CCP110: variants seen among roughly 807,000 people sequenced by gnomAD.
The protein encoded by CCP110 is centriolar coiled-coil protein of 110 kDa.
Under a neutral mutation model 105.5 loss-of-function variants are expected in CCP110, and 43 were observed. That is an observed-to-expected ratio of 0.41 (90% CI 0.32 to 0.53). The LOEUF (loss-of-function observed/expected upper bound fraction) is 0.53, where lower values mean the gene tolerates loss of function less well. Ranked by LOEUF, CCP110 falls within the 20% of genes least tolerant of loss-of-function variation. The pLI is 0.32. For synonymous variants in CCP110, 353 were observed against 392.1 expected (o/e 0.90, Z 1.18); for missense variants, 1,016 against 1,189.1 (o/e 0.85, Z 2.14).
intron 14 of CCP110, among the ~76,000 whole-genome samples, chr16:19,550,530 G>A (rs1011939286): frequency 1.3e-5 from 2 of 152,268 alleles, no homozygotes; most frequent in African/African-American, 2.4e-5. Flanking sequence ...CTGAACACAG[G>A]AACTCACTGT....
At chr16:19,528,324 A>G (rs1471871757) in intron 2 of CCP110, among the ~76,000 whole-genome samples, 1 of 152,248 alleles carries the variant, frequency 6.6e-6, no homozygotes, top group Non-Finnish European at 1.5e-5. Context: ...CCTTTGGGTC[A>G]GCAGTTCCAT....
intron 1 of CCP110, chr16:19,526,670 ATT>A (rs1014036503): frequency 2.7e-5 from 4 of 145,692 alleles, no homozygotes; most frequent in African/African-American, 1.0e-4. Context: ...CCTGATTATA[ATT>A]TTGACTATTT....
chr16:19,547,282 T>C (rs1225242754), intron 12 of CCP110: 2 of 152,124 alleles, frequency 1.3e-5, no homozygotes, highest in African/African-American at 2.4e-5. Context: ...CCGGGTATGA[T>C]GGCGCGTGCC....
rs1164690143 is a variant in CCP110 at position 19,538,302 on chromosome 16, C to CTT, written c.1918+742_1918+743dup. On this transcript the variant is annotated intron_variant, in intron 4 of 14. Coordinates refer to ENST00000381396, the Ensembl canonical transcript of CCP110. ...ATATTAATAATTGGAGGAAACAGTTCTTTTTTTTTTTTTTTTTTTTTTTTT... is the reference window on the plus strand; with the variant it reads ...ATATTAATAATTGGAGGAAACAGTTCTTTTTTTTTTTTTTTTTTTTTTTTTTT... Among the ~76,000 whole-genome samples, 352 of 55,244 alleles carry CTT rather than the reference C, an allele frequency of 6.4e-3. 87 individuals are homozygous for CTT. The highest frequency in any genetic ancestry group is 0.032 in the Middle Eastern group (2 of 62). 36.2% of individuals were successfully genotyped at this position (55,244 alleles called of 152,430 possible).
intron 1 of CCP110, chr16:19,526,228 G>A (rs528568435): frequency 2.0e-5 from 3 of 152,186 alleles, no homozygotes; most frequent in Admixed American, 6.5e-5. Context: ...GGCCATAAAA[G>A]TATTATATTT....
At chr16:19,538,784 G>A (rs1436181475) in intron 4 of CCP110, among the ~76,000 whole-genome samples, 2 of 151,972 alleles carry the variant, frequency 1.3e-5, no homozygotes, top group African/African-American at 4.8e-5. Flanking sequence ...ATTAGACAAA[G>A]TATCAGAAAT....
exon 6 of CCP110, chr16:19,542,023 C>T (rs1433783462): frequency 1.3e-6 from 2 of 1,598,000 alleles, no homozygotes. Flanking sequence ...ACAATGCTGT[C>T]TCAAGCGGAC....
exon 4 of CCP110, chr16:19,536,488 T>C (rs1427118664): frequency 2.5e-6 from 4 of 1,614,062 alleles, no homozygotes; most frequent in African/African-American, 2.7e-5. Context: ...TGGCTGACTG[T>C]GTAAAAGAGA....
At chr16:19,540,088 T>C (rs979770379) in intron 4 of CCP110, among the ~76,000 whole-genome samples, 1 of 152,222 alleles carries the variant, frequency 6.6e-6, no homozygotes, top group Non-Finnish European at 1.5e-5. Flanking sequence ...TGGCCCATAC[T>C]TGGTATTTGT....
chr16:19,527,525 T>C (rs1969715143), intron 1 of CCP110, among the ~76,000 whole-genome samples: 1 of 152,210 alleles, frequency 6.6e-6, no homozygotes. Flanking sequence ...AAAGAAAATA[T>C]AATATCCTGT....
intron 2 of CCP110, among the ~76,000 whole-genome samples, chr16:19,530,413 C>T (rs1227003717): frequency 6.6e-6 from 1 of 152,018 alleles, no homozygotes; most frequent in East Asian, 1.9e-4. Flanking sequence ...CGGGGTGGCT[C>T]ATGCCTGTAA....
intron 5 of CCP110, among the ~76,000 whole-genome samples, chr16:19,541,642 A>AGAGAGAG (rs2151477438): frequency 2.2e-5 from 2 of 91,280 alleles, no homozygotes; most frequent in South Asian, 6.9e-4. Context: ...CAAGAAAGAG[A>AGAGAGAG]GAGAGAGGAG....
At chr16:19,543,863 C>A (rs559526408) in intron 8 of CCP110, among the ~76,000 whole-genome samples, 29 of 152,226 alleles carry the variant, frequency 1.9e-4, no homozygotes, top group African/African-American at 6.0e-4. Context: ...GCTCTCAAAC[C>A]CTGTTTCCTT....
At chr16:19,533,792 C>G (rs1969957025) in intron 3 of CCP110, among the ~76,000 whole-genome samples, 1 of 152,088 alleles carries the variant, frequency 6.6e-6, no homozygotes, top group African/African-American at 2.4e-5. Flanking sequence ...TCCTTGTGAG[C>G]AATTTGCAAG....
At chr16:19,547,886 C>T (rs557050460) in intron 12 of CCP110, 69 bp from the exon 13 acceptor site, 41 of 1,067,474 alleles carry the variant, frequency 3.8e-5, no homozygotes, top group South Asian at 8.8e-5. Context: ...ATCTTTCATC[C>T]GTTGAAAGAA....
At chr16:19,530,578 G>A (rs1037578229) in intron 2 of CCP110, among the ~76,000 whole-genome samples, 1 of 150,388 alleles carries the variant, frequency 6.6e-6, no homozygotes, top group African/African-American at 2.5e-5. Context: ...CCCAGGAGGC[G>A]AAGGTTGCAG....
exon 4 of CCP110, chr16:19,536,056 C>T: frequency 1.2e-6 from 2 of 1,613,954 alleles, no homozygotes; most frequent in Non-Finnish European, 1.7e-6. Context: ...GCTTTCCAAG[C>T]CATACGGAAC....
chr16:19,537,113 G>T, exon 4 of CCP110: 1 of 1,614,142 alleles, frequency 6.2e-7, no homozygotes, highest in Non-Finnish European at 8.5e-7. Flanking sequence ...TACTGTGGAA[G>T]GTCAGTTAAC....
At chr16:19,541,917 GAGA>G (rs1244421159) in exon 6 of CCP110, 12 of 1,598,052 alleles carry the variant, frequency 7.5e-6, no homozygotes, top group Middle Eastern at 3.4e-4. Flanking sequence ...AATGTTAAAA[GAGA>G]AGAAGGCAAT....
Sources: allele counts gnomAD v4.1 joint callset (sites outside exome capture counted in the v4.1 genomes callset), GRCh38; gene constraint gnomAD v4.1.1; transcripts MANE v1.5; gene names NCBI Gene and HGNC (gene_info 2026-07-23, HGNC 2026-07-21).